EIF4G3: variants seen among roughly 807,000 people sequenced by gnomAD.
The protein encoded by EIF4G3 is eIF-4-gamma 3.
EIF4G3 carries 34 observed loss-of-function variants against 186.4 expected under a neutral mutation model. The observed-to-expected ratio is 0.18, with a 90% CI of 0.14 to 0.24. EIF4G3 has a LOEUF of 0.24. Among genes scored for constraint, EIF4G3 ranks in the 10% least tolerant of loss-of-function variants. EIF4G3 has a pLI of 1.00. For missense variants in EIF4G3, 1,536 were observed against 1,948.5 expected, an observed-to-expected ratio of 0.79 and a Z score of 3.99; for synonymous variants, 673 against 679.5, an observed-to-expected ratio of 0.99 and a Z score of 0.15.
At chr1:20,925,061 T>A (rs1411811775) in intron 14 of EIF4G3, among the ~76,000 whole-genome samples, 1 of 152,200 alleles carries the variant, frequency 6.6e-6, no homozygotes, top group Non-Finnish European at 1.5e-5. Context: ...TATTAAGTAT[T>A]TCCTACTTAT....
chr1:21,117,459 C>T (rs2096845203), intron 2 of EIF4G3, among the ~76,000 whole-genome samples: 1 of 151,918 alleles, frequency 6.6e-6, no homozygotes, highest in Admixed American at 6.6e-5. Context: ...TTTCTTTATC[C>T]AAATAAACAC....
chr1:21,116,830 C>CT lies in EIF4G3; in HGVS notation c.-271-27618dup, dbSNP rs544615610. ...CTCCAGCCAGGGCGACAGAGTGAGA[C>CT]TCCTTCTCAAAAAAAAAAAAAAAAG... is the stretch of plus-strand genomic sequence containing the variant. On this transcript the variant is annotated intron_variant, in intron 2 of 36. Transcript: ENST00000602326. Among the ~76,000 whole-genome samples, 158 of 147,648 alleles carry CT rather than the reference C, an allele frequency of 1.1e-3. 1 individual carries two copies. Among genetic ancestry groups the CT allele is most frequent in the African/African-American group, 3.8e-3 (153 of 40,062 alleles).
In EIF4G3 at chr1:21,126,031, G is replaced by A. The variant is rs138200961; in HGVS notation, c.-271-36818C>T. On this transcript the variant is annotated intron_variant, in intron 2 of 36. Coordinates refer to ENST00000602326, the MANE Select transcript of EIF4G3 (RefSeq NM_001391906.1). The stretch of plus-strand genomic sequence containing the variant: ...CCAGCCTGGGCAACATGGCAAAACC[G>A]TGTCTCTACAACAATTACAAAAATT... Among the ~76,000 whole-genome samples, 240 of 151,258 alleles carry A rather than the reference G, an allele frequency of 1.6e-3. 3 individuals carry two copies. The highest frequency in any genetic ancestry group is 5.5e-3 in the African/African-American group (229 of 41,306).
In EIF4G3 at chr1:21,086,658, G is replaced by A. The variant is rs145927960; in HGVS notation, c.-196+2480C>T. ...CTGGAGCTTAGAAATGGCCTGATGA[G>A]GTGGGGCGCAGTGTCTCACACCTGT... On this transcript the variant is annotated intron_variant, in intron 3 of 36. Transcript: ENST00000602326. Among the ~76,000 whole-genome samples, 464 of 151,904 alleles carry A rather than the reference G, an allele frequency of 3.1e-3. 4 individuals carry two copies. The highest frequency in any genetic ancestry group is 0.011 in the African/African-American group (444 of 41,418).
rs186863837 is a variant in EIF4G3 at position 21,081,380 on chromosome 1, C to T, written c.-196+7758G>A. ...CCTGGGAGGCGGAGGTTGCAGTGAG[C>T]CAAGATCGCACCACTGCACTCCAGC... On this transcript the variant is annotated intron_variant, in intron 3 of 36. Coordinates refer to ENST00000602326, the MANE Select transcript of EIF4G3 (RefSeq NM_001391906.1). Among the ~76,000 whole-genome samples, 704 of 152,238 alleles carry T rather than the reference C, an allele frequency of 4.6e-3. 4 individuals carry two copies. The highest frequency in any genetic ancestry group is 0.015 in the African/African-American group (642 of 41,558).
chr1:20,811,935 G>C (rs2059329736), intron 35 of EIF4G3, among the ~76,000 whole-genome samples: 1 of 152,096 alleles, frequency 6.6e-6, no homozygotes, highest in Admixed American at 6.6e-5. Context: ...AAAATAATTG[G>C]AACCATTTTG....
At chr1:20,827,568 T>C (rs1431189205) in intron 32 of EIF4G3, 49 bp downstream of exon 32, 2 of 1,203,122 alleles carry the variant, frequency 1.7e-6, no homozygotes, top group African/African-American at 1.5e-5. Flanking sequence ...TCAAGATCAC[T>C]GCCCTTCCTA....
chr1:21,072,165 C>A (rs899818498), intron 3 of EIF4G3, among the ~76,000 whole-genome samples: 1 of 151,980 alleles, frequency 6.6e-6, no homozygotes, highest in Admixed American at 6.6e-5. Context: ...GTTTACTTTT[C>A]TAAGGTAATA....
intron 14 of EIF4G3, 101 bp from the exon 15 acceptor site, chr1:20,905,072 G>T (rs1221266010): frequency 1.2e-6 from 1 of 818,060 alleles, no homozygotes; most frequent in Middle Eastern, 2.4e-4. Flanking sequence ...GGATAAAAGA[G>T]AACTTTACCT....
At chr1:20,864,972 C>T (rs1286277187) in intron 21 of EIF4G3, 144 bp downstream of exon 21, 2 of 940,770 alleles carry the variant, frequency 2.1e-6, no homozygotes, top group Non-Finnish European at 3.2e-6. Flanking sequence ...TTCCCCTAAA[C>T]ATTAATATGT....
At position 20,984,583 on chromosome 1, in the gene EIF4G3, CAT is replaced by C. The variant is rs1331863202; in HGVS notation, c.178-2177_178-2176del. Among the ~76,000 whole-genome samples, 602 of 100,384 alleles carry C rather than the reference CAT, an allele frequency of 6.0e-3. 2 individuals carry two copies. The highest frequency in any genetic ancestry group is 0.018 in the Middle Eastern group (3 of 166). 65.9% of individuals were successfully genotyped at this position (100,384 alleles called of 152,430 possible). On this transcript the variant is annotated intron_variant, in intron 7 of 36. Coordinates refer to ENST00000602326, the MANE Select transcript of EIF4G3 (RefSeq NM_001391906.1). Reference sequence around the variant, plus strand: ...ATACACACACACACACACACACACACATATATACACTTTTTTTTTTTTTTGAG... The same window carrying C: ...ATACACACACACACACACACACACACATATACACTTTTTTTTTTTTTTGAG...
Position 20,849,433 on chromosome 1 carries a change from T to C in EIF4G3, c.3870A>G (p.Leu1290=). ...CATTTACCTTAAAATCATTAATGTG[T>C]AGAAATTCATCAATGATAGATTTCG... is the stretch of plus-strand genomic sequence containing the variant. The part of the protein sequence containing the change: ...RKSKSIIDEF[L]HINDFKEAMQ... Residue 1290 remains leucine (L), a synonymous_variant, in exon 29 of 37, where the codon CTA becomes CTG. Coordinates refer to ENST00000602326, the MANE Select transcript of EIF4G3 (RefSeq NM_001391906.1). 6.5e-7 allele frequency: 1 copy of C among 1,546,790 alleles called. No individual in the cohort carries two copies. The highest frequency in any genetic ancestry group is 8.7e-7 in the Non-Finnish European group (1 of 1,146,530).
intron 2 of EIF4G3, among the ~76,000 whole-genome samples, chr1:21,100,082 T>C (rs948799020): frequency 2.6e-5 from 4 of 152,174 alleles, no homozygotes; most frequent in Non-Finnish European, 5.9e-5. Flanking sequence ...GAAAACATTA[T>C]GGTAAGTTAA....
intron 2 of EIF4G3, among the ~76,000 whole-genome samples, chr1:21,109,314 G>C (rs1220416481): frequency 6.6e-6 from 1 of 152,092 alleles, no homozygotes; most frequent in African/African-American, 2.4e-5. Flanking sequence ...ATTCCACAAT[G>C]GATCTGAGAT....
intron 10 of EIF4G3, among the ~76,000 whole-genome samples, chr1:20,980,001 G>A (rs1275494414): frequency 6.6e-6 from 1 of 152,080 alleles, no homozygotes; most frequent in Non-Finnish European, 1.5e-5. Flanking sequence ...GCCTCCTAAA[G>A]TGCTGGGATT....
At position 21,026,807 on chromosome 1, in the gene EIF4G3, AG is replaced by A. The variant is rs113057903; in HGVS notation, c.-66-24000del. Reference sequence around the variant, plus strand: ...TCTACTAAAAATACAAAAATGAGCCAGGAATGGCAATCCCAGATACTCAGGT... The same window carrying A: ...TCTACTAAAAATACAAAAATGAGCCAGAATGGCAATCCCAGATACTCAGGT... On this transcript the variant is annotated intron_variant, in intron 4 of 36. Coordinates refer to ENST00000602326, the MANE Select transcript of EIF4G3 (RefSeq NM_001391906.1). Among the ~76,000 whole-genome samples, 529 of 152,060 alleles carry A rather than the reference AG, an allele frequency of 3.5e-3. 4 individuals carry two copies. The highest frequency in any genetic ancestry group is 0.012 in the African/African-American group (498 of 41,470).
intron 3 of EIF4G3, among the ~76,000 whole-genome samples, chr1:21,081,951 T>A (rs1471806550): frequency 1.3e-5 from 2 of 151,576 alleles, no homozygotes; most frequent in African/African-American, 4.9e-5. Flanking sequence ...GCCCCAACTT[T>A]TTTTTCTTAA....
chr1:21,136,110 G>A (rs553816273), intron 2 of EIF4G3, among the ~76,000 whole-genome samples: 132 of 152,182 alleles, frequency 8.7e-4, no homozygotes, highest in African/African-American at 3.1e-3. Context: ...GTGAACCCGG[G>A]AAGCGGAGCT....
intron 3 of EIF4G3, among the ~76,000 whole-genome samples, chr1:21,075,923 A>G: frequency 6.6e-6 from 1 of 152,192 alleles, no homozygotes. Flanking sequence ...TCCCACTCTC[A>G]GCATTGGACA....
Sources: gnomAD v4.1 joint callset for allele counts (sites outside exome capture counted in the v4.1 genomes callset) on GRCh38, gnomAD v4.1.1 for gene constraint, MANE v1.5 for transcripts, NCBI Gene and HGNC (gene_info 2026-07-23, HGNC 2026-07-21) for gene names.